Variants in NRXN1 observed in about 807,000 individuals in gnomAD.
NRXN1 encodes the protein neurexin-1.
NRXN1 carries 39 observed loss-of-function variants against 150.9 expected under a neutral mutation model. That is an observed-to-expected ratio of 0.26 (90% CI 0.20 to 0.34). NRXN1 has a LOEUF of 0.34. Ranked by LOEUF, NRXN1 falls within the 10% of genes least tolerant of loss-of-function variation. The pLI, the probability that NRXN1 is intolerant of heterozygous loss-of-function variation, is 1.00. For synonymous variants in NRXN1, 924 were observed against 757.0 expected, an observed-to-expected ratio of 1.22 and a Z score of -3.62; for missense variants, 1,815 against 1,949.9, an observed-to-expected ratio of 0.93 and a Z score of 1.30.
In NRXN1 at chr2:50,620,184, C is replaced by G; in HGVS notation, c.1159-1G>C. ...GAATCCCATCCACTGATATTGTCACCTAGATAACAAAGCACAGGGAAAGGA... is the reference window on the plus strand; with the variant it reads ...GAATCCCATCCACTGATATTGTCACGTAGATAACAAAGCACAGGGAAAGGA... On this transcript the variant is annotated splice_acceptor_variant, in intron 7 of 22. Coordinates refer to ENST00000401669, the MANE Select transcript of NRXN1 (RefSeq NM_001330078.2). LOFTEE classifies it high-confidence loss of function. 1 of 1,613,016 alleles carries G rather than the reference C, an allele frequency of 6.2e-7. No homozygotes were observed. Among genetic ancestry groups the G allele is most frequent in the Non-Finnish European group, 8.5e-7 (1 of 1,179,402 alleles).
At chr2:50,869,950 T>A (rs751711288) in intron 5 of NRXN1, among the ~76,000 whole-genome samples, 1 of 151,868 alleles carries the variant, frequency 6.6e-6, no homozygotes, top group Non-Finnish European at 1.5e-5. Context: ...CATGACAAGT[T>A]TGGGGAATGC....
intron 17 of NRXN1, chr2:50,464,459 T>C (rs1202837814): frequency 6.6e-6 from 1 of 151,930 alleles, no homozygotes; most frequent in East Asian, 1.9e-4. Context: ...GATGCACATA[T>C]CTGTTGACAT....
chr2:50,819,884 A>G (rs747711047), intron 5 of NRXN1, among the ~76,000 whole-genome samples: 4 of 152,068 alleles, frequency 2.6e-5, no homozygotes, highest in Non-Finnish European at 4.4e-5. Flanking sequence ...TTGAGCAGAC[A>G]TCACTCATGA....
At chr2:50,041,380 G>C (rs1352124606) in intron 21 of NRXN1, among the ~76,000 whole-genome samples, 1 of 152,090 alleles carries the variant, frequency 6.6e-6, no homozygotes, top group Non-Finnish European at 1.5e-5. Context: ...TTTCGATCTG[G>C]TTTTCTAGAT....
chr2:50,097,957 G>A (rs1005654198), intron 18 of NRXN1, among the ~76,000 whole-genome samples: 1 of 152,044 alleles, frequency 6.6e-6, no homozygotes, highest in Non-Finnish European at 1.5e-5. Context: ...ACATTTCTAA[G>A]TGAATTACTT....
At chr2:50,179,294 G>C (rs934077634) in intron 18 of NRXN1, among the ~76,000 whole-genome samples, 1 of 152,068 alleles carries the variant, frequency 6.6e-6, no homozygotes, top group African/African-American at 2.4e-5. Flanking sequence ...TAGCCACAGA[G>C]AAACAAGATA....
intron 17 of NRXN1, among the ~76,000 whole-genome samples, chr2:50,252,286 G>A (rs1447678101): frequency 1.0e-5 from 1 of 97,058 alleles, no homozygotes. Context: ...TTGAGACAGA[G>A]TATCCCTCTA....
chr2:50,762,410 G>C (rs1344257966), intron 5 of NRXN1, among the ~76,000 whole-genome samples: 1 of 151,722 alleles, frequency 6.6e-6, no homozygotes, highest in Non-Finnish European at 1.5e-5. Flanking sequence ...GTGATGCTGA[G>C]GTTTAGGGTA....
At chr2:50,530,442 A>G (rs528948081) in intron 11 of NRXN1, among the ~76,000 whole-genome samples, 1 of 152,204 alleles carries the variant, frequency 6.6e-6, no homozygotes, top group Non-Finnish European at 1.5e-5. Context: ...TTTGAGTATA[A>G]TTTATAAAAA....
chr2:50,989,605 C>T (rs1355501429), intron 2 of NRXN1, among the ~76,000 whole-genome samples: 1 of 151,912 alleles, frequency 6.6e-6, no homozygotes, highest in Non-Finnish European at 1.5e-5. Flanking sequence ...ATATGAGATT[C>T]AGCCATGTTG....
intron 17 of NRXN1, among the ~76,000 whole-genome samples, chr2:50,329,668 TATATA>T (rs1301051210): frequency 0.02 from 475 of 23,984 alleles, 5 homozygotes; most frequent in East Asian, 0.04. Context: ...TATATATATA[TATATA>T]TTTTTTTTTT....
At chr2:50,208,953 T>C (rs2152841739) in intron 18 of NRXN1, among the ~76,000 whole-genome samples, 1 of 152,232 alleles carries the variant, frequency 6.6e-6, no homozygotes, top group East Asian at 1.9e-4. Flanking sequence ...TTCCATTTCA[T>C]ATTTGCAGCA....
At chr2:50,422,314 T>C (rs1365872979) in intron 17 of NRXN1, among the ~76,000 whole-genome samples, 2 of 152,136 alleles carry the variant, frequency 1.3e-5, no homozygotes, top group African/African-American at 2.4e-5. Flanking sequence ...ATTCTAACTA[T>C]AGCCTAGAGT....
intron 18 of NRXN1, chr2:50,105,298 T>C (rs571939365): frequency 2.6e-5 from 4 of 152,172 alleles, no homozygotes; most frequent in Admixed American, 2.6e-4. Context: ...AAGTGAAATA[T>C]TAATCTCCAT....
Position 51,028,307 on chromosome 2 carries a change from G to T in NRXN1, c.-34C>A, listed in dbSNP as rs200335720. 2.0e-3 allele frequency: 2,723 copies of T among 1,380,216 alleles called. 8 individuals are homozygous for T. The highest frequency in any genetic ancestry group is 2.5e-3 in the Non-Finnish European group (2,586 of 1,055,468). The allele number at this position is 1,380,216 out of a possible 1,614,324, so 85.5% of individuals were successfully genotyped here. A position where few individuals can be genotyped will look rare whatever the true frequency, so the allele number is the denominator to read the frequency against. On this transcript the variant is annotated 5_prime_UTR_variant, in exon 2 of 23. Transcript: ENST00000401669. ...CTGGGGTGCGGCGGGGGGGTGCCGGGGCCGACAGGGTCAAAATGGTCCTGG... is the reference window on the plus strand; with the variant it reads ...CTGGGGTGCGGCGGGGGGGTGCCGGTGCCGACAGGGTCAAAATGGTCCTGG...
intron 20 of NRXN1, 59 bp from the exon 21 acceptor site, chr2:50,053,649 T>C: frequency 1.3e-6 from 2 of 1,541,526 alleles, no homozygotes; most frequent in Non-Finnish European, 1.8e-6. Flanking sequence ...ATATCTACAA[T>C]GGATGATAAA....
intron 5 of NRXN1, among the ~76,000 whole-genome samples, chr2:50,712,531 T>A (rs970083940): frequency 1.3e-5 from 2 of 152,148 alleles, no homozygotes; most frequent in Admixed American, 6.5e-5. Context: ...TCCTTATATA[T>A]CCTTTTGCAC....
At chr2:50,948,592 T>C (rs746603484) in intron 2 of NRXN1, among the ~76,000 whole-genome samples, 1 of 152,054 alleles carries the variant, frequency 6.6e-6, no homozygotes, top group African/African-American at 2.4e-5. Context: ...CTCATTAGCA[T>C]TAGAATTCTG....
intron 2 of NRXN1, among the ~76,000 whole-genome samples, chr2:50,932,632 C>G (rs1388065370): frequency 6.6e-6 from 1 of 151,994 alleles, no homozygotes; most frequent in African/African-American, 2.4e-5. Flanking sequence ...GTACAGTGTA[C>G]ACTGCTCGGG....
Sources: gnomAD v4.1 joint callset for allele counts (sites outside exome capture counted in the v4.1 genomes callset) on GRCh38, gnomAD v4.1.1 for gene constraint, MANE v1.5 for transcripts, NCBI Gene and HGNC (gene_info 2026-07-23, HGNC 2026-07-21) for gene names.